CAST: variants seen among roughly 807,000 people sequenced by gnomAD.
CAST encodes the protein MIR583 host.
In CAST, 76 loss-of-function variants were observed where a neutral mutation model predicts 119.6. That is an observed-to-expected ratio of 0.64 (90% confidence interval 0.53 to 0.77). The LOEUF is 0.77. Ranked by LOEUF, CAST falls within the 30% of genes least tolerant of loss-of-function variation. The pLI is 0.00. For synonymous variants in CAST, 319 were observed against 331.6 expected (o/e 0.96, Z 0.41); for missense variants, 953 against 946.5 (o/e 1.01, Z -0.09).
At chr5:96,618,611 G>A (rs555512791) in intron 1 of CAST, among the ~76,000 whole-genome samples, 5 of 152,332 alleles carry the variant, frequency 3.3e-5, no homozygotes, top group South Asian at 2.1e-4. Flanking sequence ...TCGGGGCAGC[G>A]GGCTGGCCCC....
chr5:96,182,383 C>T, the CAST span, among the ~76,000 whole-genome samples: 3 of 152,188 alleles, frequency 2.0e-5, no homozygotes, highest in African/African-American at 7.2e-5. Context: ...TGGAACCCTC[C>T]TATGAGTTGG....
the CAST span, among the ~76,000 whole-genome samples, chr5:96,148,706 T>A: frequency 1.7e-3 from 257 of 152,346 alleles, 2 homozygotes; most frequent in African/African-American, 5.9e-3. Context: ...GCTAGAGCAA[T>A]AGAATGATGT....
chr5:96,021,367 G>T, the CAST span, among the ~76,000 whole-genome samples: 2 of 152,034 alleles, frequency 1.3e-5, no homozygotes, highest in Non-Finnish European at 2.9e-5. Flanking sequence ...ATGCCCACAA[G>T]AAACCAGCTT....
At chr5:96,003,537 CAA>C in the CAST span, among the ~76,000 whole-genome samples, 29 of 56,706 alleles carry the variant, frequency 5.1e-4, no homozygotes, top group South Asian at 1.6e-3. Context: ...GACTCCATCT[CAA>C]AAAAAAAAAA....
chr5:96,480,727 T>C, the CAST span, among the ~76,000 whole-genome samples: 2 of 152,118 alleles, frequency 1.3e-5, no homozygotes, highest in Non-Finnish European at 2.9e-5. Context: ...TGTGGTACCA[T>C]AGAAACGAAA....
intron 1 of CAST, among the ~76,000 whole-genome samples, chr5:96,542,733 T>C (rs1398048854): frequency 6.6e-6 from 1 of 152,246 alleles, no homozygotes. Context: ...AACTAGTCTA[T>C]GGCTTGTCTT....
At chr5:96,246,174 CCTGT>C in the CAST span, among the ~76,000 whole-genome samples, 8 of 118,190 alleles carry the variant, frequency 6.8e-5, no homozygotes, top group Non-Finnish European at 1.1e-4. Context: ...ATCCTGGAAA[CCTGT>C]CTGTCTTCCT....
chr5:96,342,651 G>C, the CAST span, among the ~76,000 whole-genome samples: 6 of 152,316 alleles, frequency 3.9e-5, no homozygotes, highest in Non-Finnish European at 8.8e-5. Flanking sequence ...AGATTGAATT[G>C]AATTCTCTTT....
intron 1 of CAST, among the ~76,000 whole-genome samples, chr5:96,621,235 A>G (rs1361606208): frequency 6.6e-6 from 1 of 152,222 alleles, no homozygotes; most frequent in Non-Finnish European, 1.5e-5. Context: ...CACACACTAC[A>G]GAGGTTGACT....
the CAST span, among the ~76,000 whole-genome samples, chr5:96,331,078 A>G: frequency 6.6e-6 from 1 of 152,090 alleles, no homozygotes; most frequent in African/African-American, 2.4e-5. Context: ...AAAATTATGG[A>G]TTCCATTTCC....
chr5:96,535,416 A>G (rs899730603), intron 1 of CAST, among the ~76,000 whole-genome samples: 3 of 152,162 alleles, frequency 2.0e-5, no homozygotes, highest in Non-Finnish European at 4.4e-5. Flanking sequence ...AATGTTATTT[A>G]GAAATATGGA....
the CAST span, among the ~76,000 whole-genome samples, chr5:96,394,160 A>T: frequency 1.3e-5 from 2 of 152,212 alleles, no homozygotes; most frequent in Non-Finnish European, 2.9e-5. Flanking sequence ...TATTCAGAGC[A>T]GGGCGTTCTG....
chr5:96,730,851 G>T lies in CAST; in HGVS notation c.621G>T (p.Pro207=). The change falls in exon 9 of 32, where the codon CCG becomes CCT. Residue 207 remains proline, a synonymous_variant. Transcript: ENST00000675179. Reference sequence around the variant, plus strand: ...GTATCACTGCAATATCTGGCAAGCCGGGTGACAAGGTGAGCACACACAAGC... The same window carrying T: ...GTATCACTGCAATATCTGGCAAGCCTGGTGACAAGGTGAGCACACACAAGC... ...VAGITAISGK[P]GDKKKEKKSL... 2 of 1,612,382 alleles carry T rather than the reference G, an allele frequency of 1.2e-6. No individual in the cohort carries two copies. Among genetic ancestry groups the T allele is most frequent in the Non-Finnish European group, 1.7e-6 (2 of 1,178,440 alleles).
the CAST span, among the ~76,000 whole-genome samples, chr5:96,358,791 C>A: frequency 2.0e-5 from 3 of 152,070 alleles, no homozygotes; most frequent in Non-Finnish European, 4.4e-5. Context: ...GTGGTGCTGA[C>A]AAGAATATAT....
At chr5:96,563,532 G>C (rs1265514254) in intron 1 of CAST, among the ~76,000 whole-genome samples, 2 of 152,144 alleles carry the variant, frequency 1.3e-5, no homozygotes, top group African/African-American at 4.8e-5. Context: ...GGCAATGGTA[G>C]TTTTCTCCAA....
At chr5:96,368,500 T>TAAA in the CAST span, among the ~76,000 whole-genome samples, 5 of 133,212 alleles carry the variant, frequency 3.8e-5, no homozygotes, top group South Asian at 2.4e-4. Context: ...AAACTCCATC[T>TAAA]AAAAAAAAAA....
chr5:96,661,879 A>G (rs1748548994), upstream of CAST, among the ~76,000 whole-genome samples: 1 of 151,340 alleles, frequency 6.6e-6, no homozygotes, highest in Admixed American at 6.6e-5. Context: ...CACACAGACC[A>G]ATTTGTTTTT....
chr5:96,362,892 G>A, the CAST span, among the ~76,000 whole-genome samples: 1 of 152,186 alleles, frequency 6.6e-6, no homozygotes, highest in Non-Finnish European at 1.5e-5. Context: ...TGGTGTTTTA[G>A]TCATGAAGTC....
intron 2 of CAST, 140 bp downstream of exon 2, chr5:96,675,741 C>A: frequency 1.7e-6 from 1 of 601,510 alleles, no homozygotes; most frequent in Non-Finnish European, 2.9e-6. Context: ...AGATTTGGTT[C>A]AAGAATATAA....
Sources: allele counts gnomAD v4.1 joint callset (sites outside exome capture counted in the v4.1 genomes callset), GRCh38; gene constraint gnomAD v4.1.1; transcripts MANE v1.5; gene names NCBI Gene and HGNC (gene_info 2026-07-23, HGNC 2026-07-21).